The following OTUD7B variants were observed in gnomAD, a reference collection of about 807,000 sequenced individuals.
OTUD7B encodes OTU deubiquitinase 7B.
A neutral mutation model predicts 82.2 loss-of-function variants in OTUD7B; 34 were observed. That is an observed-to-expected ratio of 0.41 (90% CI 0.31 to 0.55). The LOEUF is 0.55. Ranked by LOEUF, OTUD7B falls within the 20% of genes least tolerant of loss-of-function variation. The pLI is 0.20. For synonymous variants in OTUD7B, 398 were observed against 402.7 expected (o/e 0.99, Z 0.14); for missense variants, 944 against 1,062.1 (o/e 0.89, Z 1.55).
chr1:150,047,496 T>C, the OTUD7B span, among the ~76,000 whole-genome samples: 4 of 152,208 alleles, frequency 2.6e-5, no homozygotes, highest in Non-Finnish European at 4.4e-5. Context: ...TAGGGATTTT[T>C]GTCTGTTTTT....
At position 149,977,419 on chromosome 1, in the gene OTUD7B, T is replaced by G; in HGVS notation, c.85+7A>C. On this transcript the variant is annotated splice_region_variant and intron_variant, in intron 2 of 11. Transcript: ENST00000581312. ...CTCTTTTCTCATTCTCCCCTACAACTCCTCACCTTCTAGGAGATCTCGCGC... is the reference window on the plus strand; with the variant it reads ...CTCTTTTCTCATTCTCCCCTACAACGCCTCACCTTCTAGGAGATCTCGCGC... 6.2e-7 allele frequency: 1 copy of G among 1,600,732 alleles called. No individual in the cohort carries two copies. Among genetic ancestry groups the G allele is most frequent in the Non-Finnish European group, 8.6e-7 (1 of 1,167,786 alleles).
chr1:149,989,341 T>C (rs1191643810), intron 1 of OTUD7B, among the ~76,000 whole-genome samples: 1 of 151,404 alleles, frequency 6.6e-6, no homozygotes, highest in African/African-American at 2.4e-5. Context: ...GGCGTGGTGG[T>C]GGGCACCTGT....
rs1240925216 is a variant in OTUD7B, at chr1:150,005,910, G to A, written c.-67+4538C>T. Among the ~76,000 whole-genome samples the A allele has an allele frequency of 2.0e-5, 3 of 152,084 alleles. No individual in the cohort carries two copies. In the East Asian group the frequency reaches 5.8e-4, roughly 29 times the overall value. On this transcript the variant is annotated intron_variant, in intron 1 of 11. Coordinates refer to ENST00000581312, the MANE Select transcript of OTUD7B (RefSeq NM_020205.4). ...TCTCAGACATAAGACAGACAGCCTA[G>A]GAGGCCACATTGGATCCATACAGAT...
the OTUD7B span, among the ~76,000 whole-genome samples, chr1:150,041,604 G>C: frequency 5.3e-5 from 8 of 152,180 alleles, no homozygotes; most frequent in African/African-American, 9.7e-5. Flanking sequence ...AAAGTGCTAG[G>C]AAAACAGGCG....
At chr1:149,968,037 G>T (rs1309568531) in intron 3 of OTUD7B, among the ~76,000 whole-genome samples, 1 of 152,052 alleles carries the variant, frequency 6.6e-6, no homozygotes, top group African/African-American at 2.4e-5. Context: ...GCCAAGGCAG[G>T]TGGATCACCT....
At chr1:149,948,800 C>G (rs1175860185) in intron 10 of OTUD7B, among the ~76,000 whole-genome samples, 169 bp downstream of exon 10, 1 of 152,174 alleles carries the variant, frequency 6.6e-6, no homozygotes, top group Admixed American at 6.5e-5. Context: ...AGCAGCTGCA[C>G]CATGAAAGAG....
At chr1:150,041,703 T>C in the OTUD7B span, among the ~76,000 whole-genome samples, 2 of 152,228 alleles carry the variant, frequency 1.3e-5, no homozygotes, top group East Asian at 1.9e-4. Flanking sequence ...CAAAGATTGG[T>C]CTGTTTTATT....
chr1:149,967,619 C>G (rs782744761), intron 3 of OTUD7B, 98 bp from the exon 4 acceptor site: 1 of 855,184 alleles, frequency 1.2e-6, no homozygotes, highest in Middle Eastern at 2.4e-4. Context: ...GGTTTACAGT[C>G]AGAGAAAAAC....
chr1:150,038,018 C>T, the OTUD7B span, among the ~76,000 whole-genome samples: 51 of 151,764 alleles, frequency 3.4e-4, 1 homozygote, highest in South Asian at 1.2e-3. Flanking sequence ...TGCCTTCACA[C>T]CCTAATTTTT....
the OTUD7B span, among the ~76,000 whole-genome samples, chr1:150,035,840 T>G: frequency 6.6e-6 from 1 of 152,188 alleles, no homozygotes; most frequent in African/African-American, 2.4e-5. Flanking sequence ...AAAGTCAGTA[T>G]CTTTTAATGA....
chr1:150,063,313 T>C, the OTUD7B span, among the ~76,000 whole-genome samples: 1 of 152,042 alleles, frequency 6.6e-6, no homozygotes, highest in Non-Finnish European at 1.5e-5. Context: ...TTAGCCAGTT[T>C]GGTGGCGGGC....
the OTUD7B span, among the ~76,000 whole-genome samples, chr1:150,058,199 C>A: frequency 6.6e-6 from 1 of 152,180 alleles, no homozygotes; most frequent in African/African-American, 2.4e-5. Flanking sequence ...AACGCCAGCA[C>A]CAACATCATC....
chr1:150,027,193 C>T, the OTUD7B span, among the ~76,000 whole-genome samples: 1 of 152,154 alleles, frequency 6.6e-6, no homozygotes, highest in South Asian at 2.1e-4. Flanking sequence ...TAACTAGGCT[C>T]TAGGGATATA....
chr1:149,992,467 GTTTTTTT>G (rs1166098299), intron 1 of OTUD7B, among the ~76,000 whole-genome samples: 1 of 61,570 alleles, frequency 1.6e-5, no homozygotes, highest in South Asian at 7.8e-4. Flanking sequence ...GTGTGCATGT[GTTTTTTT>G]TTTTTTTTTT....
chr1:149,945,074 G>C lies in OTUD7B; in HGVS notation c.1324-9C>G. On this transcript the variant is annotated splice_polypyrimidine_tract_variant and intron_variant, in intron 11 of 11. Coordinates refer to ENST00000581312, the MANE Select transcript of OTUD7B (RefSeq NM_020205.4). ...GGCTGGGCCAGAGGAGCCTGGAAGA[G>C]ACAAGAACACTGTTGACAGTTATCC... 2 of 1,610,602 alleles carry C rather than the reference G, an allele frequency of 1.2e-6. No homozygotes were observed. The highest frequency in any genetic ancestry group is 1.7e-6 in the Non-Finnish European group (2 of 1,178,808).
intron 1 of OTUD7B, among the ~76,000 whole-genome samples, chr1:149,999,293 T>C (rs1652119977): frequency 6.6e-6 from 1 of 152,206 alleles, no homozygotes; most frequent in Admixed American, 6.5e-5. Flanking sequence ...AGGAATTTAT[T>C]TTAGGCAAGC....
chr1:150,055,240 G>A, the OTUD7B span, among the ~76,000 whole-genome samples: 5 of 152,002 alleles, frequency 3.3e-5, no homozygotes, highest in East Asian at 5.8e-4. Flanking sequence ...GGGTTTCACC[G>A]TGTTAGTCAA....
At chr1:150,023,947 C>T in the OTUD7B span, among the ~76,000 whole-genome samples, 1 of 152,150 alleles carries the variant, frequency 6.6e-6, no homozygotes, top group African/African-American at 2.4e-5. Context: ...ATTCCAGCTT[C>T]CTCCTGCATA....
intron 7 of OTUD7B, among the ~76,000 whole-genome samples, chr1:149,956,334 C>A (rs1648667576): frequency 6.6e-6 from 1 of 152,154 alleles, no homozygotes; most frequent in Non-Finnish European, 1.5e-5. Context: ...GTTGAAAATT[C>A]TTTTCTTTAA....
Sources: allele counts gnomAD v4.1 joint callset (sites outside exome capture counted in the v4.1 genomes callset), GRCh38; gene constraint gnomAD v4.1.1; transcripts MANE v1.5; gene names NCBI Gene and HGNC (gene_info 2026-07-23, HGNC 2026-07-21).